DOCK3: variants seen among roughly 807,000 people sequenced by gnomAD.
DOCK3 encodes dedicator of cytokinesis protein 3.
In DOCK3, 60 loss-of-function variants were observed where a neutral mutation model predicts 265.6. That is an observed-to-expected ratio of 0.23 (90% CI 0.18 to 0.28). DOCK3 has a LOEUF of 0.28. DOCK3 is among the 10% of genes least tolerant of loss of function. DOCK3 has a pLI of 1.00. For synonymous variants in DOCK3, 881 were observed against 938.0 expected, an observed-to-expected ratio of 0.94 and a Z score of 1.11; for missense variants, 1,981 against 2,594.3, an observed-to-expected ratio of 0.76 and a Z score of 5.14.
Position 50,855,544 on chromosome 3 carries a change from A to C in DOCK3, c.162+13829A>C, listed in dbSNP as rs367714275. On this transcript the variant is annotated intron_variant, in intron 3 of 52. Coordinates refer to ENST00000266037, the MANE Select transcript of DOCK3 (RefSeq NM_004947.5). Reference sequence around the variant, plus strand: ...TGAAACTTTACTGAAGTAATTTATCAGGACTAGGAGACTTCTGGAGGAATC... The same window carrying C: ...TGAAACTTTACTGAAGTAATTTATCCGGACTAGGAGACTTCTGGAGGAATC... Among the ~76,000 whole-genome samples, 177 of 152,326 alleles carry C rather than the reference A, an allele frequency of 1.2e-3. 1 individual carries two copies. The Middle Eastern group carries it at 0.041, about 35-fold the overall frequency.
At chr3:51,064,332 T>A (rs2081517111) in intron 5 of DOCK3, 116 bp from the exon 6 acceptor site, 1 of 1,326,912 alleles carries the variant, frequency 7.5e-7, no homozygotes, top group African/African-American at 1.5e-5. Flanking sequence ...CCTCTTTATA[T>A]TACCTTAGTA....
At chr3:50,928,601 T>G (rs1176044586) in intron 4 of DOCK3, among the ~76,000 whole-genome samples, 1 of 152,262 alleles carries the variant, frequency 6.6e-6, no homozygotes, top group Non-Finnish European at 1.5e-5. Flanking sequence ...TCCTAGTTGA[T>G]TCTATTGCAT....
intron 2 of DOCK3, among the ~76,000 whole-genome samples, chr3:50,779,992 G>C (rs183833467): frequency 6.6e-6 from 1 of 152,140 alleles, no homozygotes; most frequent in Admixed American, 6.5e-5. Flanking sequence ...TATGGGAGTG[G>C]AGCTCTAATC....
intron 2 of DOCK3, among the ~76,000 whole-genome samples, chr3:50,815,295 TATTATG>T (rs2044010819): frequency 6.6e-6 from 1 of 152,228 alleles, no homozygotes; most frequent in African/African-American, 2.4e-5. Flanking sequence ...CTGTATAGCA[TATTATG>T]ATTATATCTT....
At chr3:51,350,509 A>G (rs1486832358) in intron 40 of DOCK3, 117 bp downstream of exon 40, 22 of 1,125,562 alleles carry the variant, frequency 2.0e-5, no homozygotes, top group Non-Finnish European at 2.8e-5. Context: ...TACAGAGGAT[A>G]AACCAGTTAA....
chr3:50,887,891 A>G (rs1349612667), intron 3 of DOCK3, among the ~76,000 whole-genome samples: 2 of 152,258 alleles, frequency 1.3e-5, no homozygotes, highest in Middle Eastern at 3.4e-3. Context: ...TTATGAACCC[A>G]CAGCCAATGT....
At chr3:51,103,466 A>C (rs1392972778) in intron 9 of DOCK3, among the ~76,000 whole-genome samples, 1 of 152,160 alleles carries the variant, frequency 6.6e-6, no homozygotes, top group South Asian at 2.1e-4. Context: ...TTGATTATCT[A>C]CCTTTACCAA....
intron 36 of DOCK3, among the ~76,000 whole-genome samples, 185 bp from the exon 37 acceptor site, chr3:51,338,750 C>G (rs748501434): frequency 1.1e-4 from 16 of 152,198 alleles, no homozygotes; most frequent in Admixed American, 5.2e-4. Flanking sequence ...CTCCCATAGA[C>G]CTGCCAGTGG....
intron 32 of DOCK3, among the ~76,000 whole-genome samples, chr3:51,320,545 C>T (rs1410750228): frequency 6.6e-6 from 1 of 152,208 alleles, no homozygotes; most frequent in South Asian, 2.1e-4. Flanking sequence ...CATCCCACCC[C>T]CACGGAGCCC....
chr3:50,854,081 T>A (rs1012073650), intron 3 of DOCK3, among the ~76,000 whole-genome samples: 1 of 152,168 alleles, frequency 6.6e-6, no homozygotes. Context: ...TGAGCATTTT[T>A]TCACGTATGT....
At chr3:50,923,812 G>A (rs2050625935) in intron 4 of DOCK3, among the ~76,000 whole-genome samples, 1 of 152,126 alleles carries the variant, frequency 6.6e-6, no homozygotes, top group South Asian at 2.1e-4. Flanking sequence ...AGCCCTTGAT[G>A]GTTTACTGTG....
chr3:51,305,189 T>C (rs1326016241), intron 27 of DOCK3, among the ~76,000 whole-genome samples: 2 of 152,248 alleles, frequency 1.3e-5, no homozygotes, highest in East Asian at 3.8e-4. Context: ...AATTGTCTAC[T>C]ATTACTTTCC....
At chr3:51,079,269 ATGAT>A (rs2082148413) in intron 7 of DOCK3, among the ~76,000 whole-genome samples, 1 of 152,100 alleles carries the variant, frequency 6.6e-6, no homozygotes. Context: ...TTGAATGATA[ATGAT>A]TGATAAAAGT....
At chr3:51,068,799 A>G (rs181630406) in intron 6 of DOCK3, among the ~76,000 whole-genome samples, 105 of 152,238 alleles carry the variant, frequency 6.9e-4, no homozygotes, top group African/African-American at 2.3e-3. Flanking sequence ...TCATTAAGCT[A>G]TTTGATCTTT....
At chr3:51,150,853 C>T (rs2085551348) in intron 10 of DOCK3, among the ~76,000 whole-genome samples, 1 of 152,076 alleles carries the variant, frequency 6.6e-6, no homozygotes, top group South Asian at 2.1e-4. Context: ...TCTATTTGGT[C>T]CACTTGGTGC....
intron 3 of DOCK3, among the ~76,000 whole-genome samples, chr3:50,862,706 G>C (rs1304463010): frequency 6.6e-6 from 1 of 152,090 alleles, no homozygotes; most frequent in East Asian, 1.9e-4. Context: ...CCACCAAAAT[G>C]AGCCCTGGGC....
chr3:51,376,095 T>C (rs1343356955), intron 51 of DOCK3, among the ~76,000 whole-genome samples: 1 of 152,184 alleles, frequency 6.6e-6, no homozygotes, highest in Non-Finnish European at 1.5e-5. Context: ...CCCACCTTTA[T>C]GGAAACTTGG....
At chr3:50,747,305 G>C (rs1198985075) in intron 1 of DOCK3, among the ~76,000 whole-genome samples, 1 of 152,024 alleles carries the variant, frequency 6.6e-6, no homozygotes, top group East Asian at 1.9e-4. Context: ...TATGTCATCT[G>C]CATTTCCATA....
At chr3:51,248,480 G>C (rs1340809233) in intron 22 of DOCK3, among the ~76,000 whole-genome samples, 3 of 151,552 alleles carry the variant, frequency 2.0e-5, no homozygotes, top group Admixed American at 2.0e-4. Context: ...CAGACGGAGT[G>C]TGGTTCACTC....
Sources: allele counts gnomAD v4.1 joint callset (sites outside exome capture counted in the v4.1 genomes callset), GRCh38; gene constraint gnomAD v4.1.1; transcripts MANE v1.5; gene names NCBI Gene and HGNC (gene_info 2026-07-23, HGNC 2026-07-21).